The following PPA1 variants were observed in gnomAD, a reference collection of about 807,000 sequenced individuals.
PPA1 encodes the protein inorganic pyrophosphatase 1.
PPA1 carries 23 observed loss-of-function variants against 41.8 expected under a neutral mutation model. The ratio of observed to expected loss-of-function variants is 0.55; its 90% CI spans 0.40 to 0.78. PPA1 has a LOEUF of 0.78. PPA1 is among the 30% of genes least tolerant of loss of function. The pLI is 0.00. For missense variants in PPA1, 320 were observed against 361.6 expected (o/e 0.89, Z 0.93); for synonymous variants, 101 against 116.8 (o/e 0.86, Z 0.87).
At position 70,218,820 on chromosome 10, in the gene PPA1, G is replaced by GA; in HGVS notation, c.124-4dup. The GA allele has an allele frequency of 3.1e-6, 5 of 1,610,096 alleles. No homozygotes were observed. Among genetic ancestry groups the GA allele is most frequent in the Non-Finnish European group, 3.4e-6 (4 of 1,176,990 alleles). Reference sequence around the variant, plus strand: ...TCAACTACCATGTGAAACACATCCTGAAAAAACAAAGAGAAAGTGAGATGG... The same window carrying GA: ...TCAACTACCATGTGAAACACATCCTGAAAAAAACAAAGAGAAAGTGAGATGG... On this transcript the variant is annotated splice_polypyrimidine_tract_variant and splice_region_variant and intron_variant, in intron 2 of 10. Transcript: ENST00000373232.
rs1170617808 is a variant in PPA1, at chr10:70,213,431, A to G, written c.511+32T>C. On this transcript the variant is annotated intron_variant, in intron 6 of 10. Coordinates refer to ENST00000373232, the MANE Select transcript of PPA1 (RefSeq NM_021129.4). ...GTATGGTGGTGCTTATGAATTAATTAGAAAGACTTCAGACTTTTCAAATTT... is the reference window on the plus strand; with the variant it reads ...GTATGGTGGTGCTTATGAATTAATTGGAAAGACTTCAGACTTTTCAAATTT... 3.1e-6 allele frequency: 5 copies of G among 1,610,694 alleles called. No homozygotes were observed. In the South Asian group the frequency reaches 4.4e-5, roughly 14 times the overall value.
rs531475424 is a variant in PPA1, at chr10:70,216,400, T to C, written c.297+1412A>G. Among the ~76,000 whole-genome samples, 13 of 150,622 alleles carry C rather than the reference T, an allele frequency of 8.6e-5. No homozygotes were observed. In the South Asian group the frequency reaches 2.7e-3, roughly 31 times the overall value. On this transcript the variant is annotated intron_variant, in intron 4 of 10. Coordinates refer to ENST00000373232, the MANE Select transcript of PPA1 (RefSeq NM_021129.4). Reference sequence around the variant, plus strand: ...TACACAAGAGGCTGAGACAAGAGAATCACTCGAACCTGAGAGGCAGAAGAT... The same window carrying C: ...TACACAAGAGGCTGAGACAAGAGAACCACTCGAACCTGAGAGGCAGAAGAT...
At position 70,219,490 on chromosome 10, in the gene PPA1, G is replaced by A. The variant is rs138473172; in HGVS notation, c.124-673C>T. The stretch of plus-strand genomic sequence containing the variant: ...TTGATCATACTTTAGTTTATAAGAC[G>A]AACCCCACATCAGCCTAATTACTTG... On this transcript the variant is annotated intron_variant, in intron 2 of 10. Transcript: ENST00000373232. 6.7e-3 allele frequency among the ~76,000 whole-genome samples: 1,021 copies of A among 152,124 alleles called. 7 individuals carry two copies. The highest frequency in any genetic ancestry group is 0.012 in the South Asian group (57 of 4,818).
Position 70,220,739 on chromosome 10 carries a change from TTATATATATATAATATATATAATTTA to T in PPA1, c.124-1948_124-1923del, listed in dbSNP as rs1840141070. Among the ~76,000 whole-genome samples, 2 of 5,740 alleles carry T rather than the reference TTATATATATATAATATATATAATTTA, an allele frequency of 3.5e-4. 1 individual carries two copies. The highest frequency in any genetic ancestry group is 5.4e-4 in the Non-Finnish European group (2 of 3,718). The allele number at this position is 5,740 out of a possible 152,430, so 3.8% of individuals were successfully genotyped here. A position where few individuals can be genotyped will look rare whatever the true frequency, so the allele number is the denominator to read the frequency against. On this transcript the variant is annotated intron_variant, in intron 2 of 10. Coordinates refer to ENST00000373232, the MANE Select transcript of PPA1 (RefSeq NM_021129.4). ...AATTTATATATATAATATATATAAT[TTATATATATATAATATATATAATTTA>T]TATATATATAATATATATAATTTAT... is the stretch of plus-strand genomic sequence containing the variant.
intron 1 of PPA1, among the ~76,000 whole-genome samples, chr10:70,230,615 G>T (rs1840279609): frequency 6.6e-6 from 1 of 152,052 alleles, no homozygotes; most frequent in Non-Finnish European, 1.5e-5. Flanking sequence ...CTACAGGCAT[G>T]AGCCACTACG....
At chr10:70,218,644 T>C (rs1044092397) in intron 3 of PPA1, 120 bp downstream of exon 3, 84 of 753,806 alleles carry the variant, frequency 1.1e-4, no homozygotes, top group Non-Finnish European at 7.0e-5. Context: ...AACTAGAAAA[T>C]AGACTGGGAC....
chr10:70,221,005 C>A (rs59512227), intron 2 of PPA1, among the ~76,000 whole-genome samples: 10 of 42,500 alleles, frequency 2.4e-4, no homozygotes, highest in South Asian at 1.3e-3. Context: ...ATATATATAA[C>A]ATATATATAA....
At chr10:70,207,921 G>A (rs1291313182) in intron 8 of PPA1, among the ~76,000 whole-genome samples, 4 of 99,712 alleles carry the variant, frequency 4.0e-5, no homozygotes, top group African/African-American at 1.3e-4. Context: ...GGCCGGGTGT[G>A]GTGGCTCACG....
In PPA1 at chr10:70,220,790, TA is replaced by T. The variant is rs1461965055; in HGVS notation, c.124-1974del. Among the ~76,000 whole-genome samples, 37 of 21,736 alleles carry T rather than the reference TA, an allele frequency of 1.7e-3. 6 individuals carry two copies. The highest frequency in any genetic ancestry group is 5.6e-3 in the African/African-American group (33 of 5,842). The allele number at this position is 21,736 out of a possible 152,430, so 14.3% of individuals were successfully genotyped here. A position where few individuals can be genotyped will look rare whatever the true frequency, so the allele number is the denominator to read the frequency against. On this transcript the variant is annotated intron_variant, in intron 2 of 10. Transcript: ENST00000373232. ...ATATATATATAATATATATAATTTA[TA>T]TATATATAATATATATAATTTTTAT...
At chr10:70,224,291 A>C (rs1461012349) in intron 2 of PPA1, among the ~76,000 whole-genome samples, 3 of 151,996 alleles carry the variant, frequency 2.0e-5, no homozygotes, top group Non-Finnish European at 4.4e-5. Context: ...CCAGATTTAC[A>C]ATCATTTTAT....
chr10:70,206,853 AGAGGAGAGGAGAGGAGGGGAGGGGAGGG>A (rs1839946677), intron 8 of PPA1, among the ~76,000 whole-genome samples: 1 of 57,064 alleles, frequency 1.8e-5, no homozygotes, highest in African/African-American at 9.2e-5. Flanking sequence ...AATAAGGAGG[AGAGGAGAGGAGAGGAGGGGAGGGGAGGG>A]GAGGGGAGGG....
chr10:70,204,932 T>C lies in PPA1; in HGVS notation c.796-17A>G. 2 of 1,559,286 alleles carry C rather than the reference T, an allele frequency of 1.3e-6. No individual in the cohort carries two copies. The highest frequency in any genetic ancestry group is 3.4e-5 in the Admixed American group (2 of 58,038). On this transcript the variant is annotated splice_polypyrimidine_tract_variant and intron_variant, in intron 9 of 10. Transcript: ENST00000373232. ...TGGTGGTAACTAAAATATAAAATAT[T>C]AAAATCTATTAGTCTAATCTCATTT...
In PPA1 at chr10:70,203,157, A is replaced by G. The variant is rs746931764; in HGVS notation, c.868T>C (p.Ter290GlnextTer1). ...GCTTGTATTCCAGAGAAATCTCATT[A>G]GTTTTTCTGGTGATGGAACCACTTA... ...VDKWFHHQKN* is the reference protein window; with the variant it reads ...VDKWFHHQKNQ The change falls in exon 11 of 11, where the codon TAA becomes CAA. Residue 290 changes from the stop codon to glutamine, a stop_lost. Coordinates refer to ENST00000373232, the MANE Select transcript of PPA1 (RefSeq NM_021129.4). 6.2e-7 allele frequency: 1 copy of G among 1,608,348 alleles called. No homozygotes were observed. The highest frequency in any genetic ancestry group is 1.1e-5 in the South Asian group (1 of 90,954).
At position 70,220,739 on chromosome 10, in the gene PPA1, TTA is replaced by T. The variant is rs1214846856; in HGVS notation, c.124-1924_124-1923del. On this transcript the variant is annotated intron_variant, in intron 2 of 10. Transcript: ENST00000373232. ...AATTTATATATATAATATATATAAT[TTA>T]TATATATATAATATATATAATTTAT... 4.5e-3 allele frequency among the ~76,000 whole-genome samples: 26 copies of T among 5,740 alleles called. 8 individuals carry two copies. Among genetic ancestry groups the T allele is most frequent in the Non-Finnish European group, 6.2e-3 (23 of 3,718 alleles). 3.8% of individuals were successfully genotyped at this position (5,740 alleles called of 152,430 possible). A position where few individuals can be genotyped will look rare whatever the true frequency, so the allele number is the denominator to read the frequency against.
chr10:70,228,962 A>G (rs1840259678), intron 2 of PPA1, among the ~76,000 whole-genome samples: 1 of 152,228 alleles, frequency 6.6e-6, no homozygotes. Flanking sequence ...GTATATTGAC[A>G]TCTAGCTAAA....
intron 4 of PPA1, among the ~76,000 whole-genome samples, chr10:70,215,478 T>A (rs1564582707): frequency 2.0e-5 from 3 of 152,016 alleles, no homozygotes; most frequent in Non-Finnish European, 2.9e-5. Flanking sequence ...TCCTTTTTTT[T>A]CTTTTTTTCT....
At chr10:70,207,397 T>C (rs970832699) in intron 8 of PPA1, among the ~76,000 whole-genome samples, 4 of 152,196 alleles carry the variant, frequency 2.6e-5, no homozygotes, top group Non-Finnish European at 5.9e-5. Context: ...CTAGGCATGG[T>C]GGCTCGCATC....
chr10:70,210,383 C>T (rs777257964), intron 6 of PPA1: 18 of 1,365,144 alleles, frequency 1.3e-5, no homozygotes, highest in Non-Finnish European at 1.7e-5. Flanking sequence ...GGTCCAGAGG[C>T]AGAGGCTATG....
chr10:70,221,022 TATATA>T (rs1840153401), intron 2 of PPA1, among the ~76,000 whole-genome samples: 1 of 70,680 alleles, frequency 1.4e-5, no homozygotes, highest in Non-Finnish European at 2.4e-5. Context: ...ATAATTTATA[TATATA>T]ATATATATAT....
Sources: allele counts gnomAD v4.1 joint callset (sites outside exome capture counted in the v4.1 genomes callset), GRCh38; gene constraint gnomAD v4.1.1; transcripts MANE v1.5; gene names NCBI Gene and HGNC (gene_info 2026-07-23, HGNC 2026-07-21).